SCML4: variants seen among roughly 807,000 people sequenced by gnomAD.
SCML4 encodes the protein sex comb on midleg-like protein 4.
SCML4 carries 34 observed loss-of-function variants against 41.1 expected under a neutral mutation model. The ratio of observed to expected loss-of-function variants is 0.83; its 90% CI spans 0.63 to 1.10. SCML4 has a LOEUF of 1.10. Ranked by LOEUF, SCML4 falls within the 50% of genes least tolerant of loss-of-function variation. The pLI is 0.00. For missense variants in SCML4, 522 were observed against 534.1 expected (o/e 0.98, Z 0.22); for synonymous variants, 214 against 220.9 (o/e 0.97, Z 0.28).
chr6:107,825,334 AG>A (rs1262765351), upstream of SCML4, among the ~76,000 whole-genome samples: 2 of 152,254 alleles, frequency 1.3e-5, no homozygotes, highest in African/African-American at 4.8e-5. Context: ...ACGAAGGCTT[AG>A]GCCACAACCT....
intron 6 of SCML4, among the ~76,000 whole-genome samples, chr6:107,716,719 C>A (rs1005184061): frequency 2.6e-5 from 4 of 152,312 alleles, no homozygotes; most frequent in African/African-American, 9.6e-5. Flanking sequence ...CGTTACTTTG[C>A]ACTTCTTCCT....
chr6:107,774,113 T>C (rs1780730330), intron 1 of SCML4, among the ~76,000 whole-genome samples: 1 of 152,230 alleles, frequency 6.6e-6, no homozygotes, highest in South Asian at 2.1e-4. Flanking sequence ...ATTTTTTGAA[T>C]GCACTGTTAA....
intron 1 of SCML4, among the ~76,000 whole-genome samples, chr6:107,792,625 G>A (rs528719776): frequency 1.9e-4 from 29 of 151,966 alleles, no homozygotes; most frequent in Non-Finnish European, 3.4e-4. Context: ...CCAGCTATTC[G>A]GGAAGCTGAG....
At chr6:107,739,567 AT>A (rs751213031) in intron 5 of SCML4, among the ~76,000 whole-genome samples, 20 of 152,168 alleles carry the variant, frequency 1.3e-4, no homozygotes, top group Non-Finnish European at 2.1e-4. Flanking sequence ...AGAACCAGGC[AT>A]TGTCCTGATG....
intron 5 of SCML4, among the ~76,000 whole-genome samples, chr6:107,738,283 C>G (rs767397087): frequency 5.9e-5 from 9 of 152,224 alleles, no homozygotes; most frequent in Non-Finnish European, 1.3e-4. Flanking sequence ...GCCAAGAACT[C>G]TAACTTCCAG....
the SCML4 span, among the ~76,000 whole-genome samples, chr6:107,834,748 C>G: frequency 6.6e-6 from 1 of 151,962 alleles, no homozygotes; most frequent in African/African-American, 2.4e-5. Context: ...GAGTTCAAGA[C>G]CAGCCTAGGC....
the SCML4 span, among the ~76,000 whole-genome samples, chr6:107,843,490 G>T: frequency 6.6e-6 from 1 of 152,080 alleles, no homozygotes; most frequent in Admixed American, 6.6e-5. Flanking sequence ...AGTACCCTTT[G>T]ACCACCAGGA....
intron 1 of SCML4, among the ~76,000 whole-genome samples, chr6:107,817,190 A>G (rs1381786021): frequency 1.3e-5 from 2 of 152,218 alleles, no homozygotes; most frequent in Non-Finnish European, 2.9e-5. Flanking sequence ...TTTCTAAACA[A>G]TTATACTTCC....
intron 6 of SCML4, among the ~76,000 whole-genome samples, chr6:107,717,303 A>AG (rs1269190814): frequency 6.6e-6 from 1 of 151,514 alleles, no homozygotes; most frequent in Non-Finnish European, 1.5e-5. Context: ...AAAAAAAAAA[A>AG]AAAAGGAATC....
the SCML4 span, among the ~76,000 whole-genome samples, chr6:107,831,325 G>A: frequency 2.2e-5 from 3 of 136,688 alleles, no homozygotes; most frequent in Non-Finnish European, 4.6e-5. Context: ...GGGTTTCTTA[G>A]TAACAAAAAA....
chr6:107,715,015 T>C (rs1739860), intron 6 of SCML4, among the ~76,000 whole-genome samples: 110,695 of 146,230 alleles, frequency 0.76, 42,172 homozygotes, highest in Admixed American at 0.81. Flanking sequence ...CGCTTTGTCA[T>C]CCAGGCTGCA....
intron 1 of SCML4, among the ~76,000 whole-genome samples, chr6:107,810,721 C>T (rs1161087739): frequency 6.6e-6 from 1 of 152,108 alleles, no homozygotes; most frequent in East Asian, 1.9e-4. Flanking sequence ...TTAAAATAAA[C>T]ACTGTTATAA....
At chr6:107,780,283 AAT>A (rs1398558628) in intron 1 of SCML4, among the ~76,000 whole-genome samples, 5 of 152,256 alleles carry the variant, frequency 3.3e-5, no homozygotes, top group African/African-American at 1.2e-4. Context: ...AGTGAAAAAA[AAT>A]AAATTCCCTT....
intron 5 of SCML4, among the ~76,000 whole-genome samples, chr6:107,726,046 C>T (rs949735186): frequency 6.8e-6 from 1 of 146,318 alleles, no homozygotes; most frequent in Non-Finnish European, 1.5e-5. Context: ...CACTGCACTC[C>T]AGCCTGAGCA....
chr6:107,825,574 G>A (rs376828788), upstream of SCML4, among the ~76,000 whole-genome samples: 3 of 152,312 alleles, frequency 2.0e-5, no homozygotes, highest in Admixed American at 2.0e-4. Context: ...GAAAAGGCAG[G>A]TTTGGTAGTT....
intron 1 of SCML4, among the ~76,000 whole-genome samples, chr6:107,815,918 C>T (rs898102836): frequency 1.3e-5 from 2 of 152,188 alleles, no homozygotes; most frequent in Non-Finnish European, 2.9e-5. Flanking sequence ...AAATGCCTTT[C>T]GAAGTGGAAA....
the SCML4 span, among the ~76,000 whole-genome samples, chr6:107,837,490 G>A: frequency 6.6e-6 from 1 of 152,128 alleles, no homozygotes; most frequent in Admixed American, 6.5e-5. Flanking sequence ...GGTTTTGGTT[G>A]TCCCCAACAC....
At chr6:107,775,811 G>C (rs111983934) in intron 1 of SCML4, among the ~76,000 whole-genome samples, 2 of 152,180 alleles carry the variant, frequency 1.3e-5, no homozygotes, top group African/African-American at 2.4e-5. Context: ...CATGGCAGCA[G>C]TATGGTATAG....
intron 1 of SCML4, among the ~76,000 whole-genome samples, chr6:107,801,739 G>A (rs574365006): frequency 6.6e-6 from 1 of 152,196 alleles, no homozygotes; most frequent in African/African-American, 2.4e-5. Flanking sequence ...GGAGGGTGGA[G>A]ACAGAAATTC....
Sources: gnomAD v4.1 joint callset for allele counts (sites outside exome capture counted in the v4.1 genomes callset) on GRCh38, gnomAD v4.1.1 for gene constraint, MANE v1.5 for transcripts, NCBI Gene and HGNC (gene_info 2026-07-23, HGNC 2026-07-21) for gene names.